Variants in AKR1C3 observed in about 807,000 individuals in gnomAD.
AKR1C3 encodes 3-alpha hydroxysteroid dehydrogenase, type II.
Under a neutral mutation model 43.6 loss-of-function variants are expected in AKR1C3, and 48 were observed. The observed-to-expected ratio is 1.10, with a 90% confidence interval of 0.87 to 1.40. AKR1C3 has a LOEUF of 1.40. Ranked by LOEUF, AKR1C3 falls within the 40% of genes most tolerant of loss-of-function variation. The pLI, the probability that AKR1C3 is intolerant of heterozygous loss-of-function variation, is 0.00. For synonymous variants in AKR1C3, 162 were observed against 139.6 expected, an observed-to-expected ratio of 1.16 and a Z score of -1.13; for missense variants, 482 against 391.2, an observed-to-expected ratio of 1.23 and a Z score of -1.96.
intron 1 of AKR1C3, among the ~76,000 whole-genome samples, chr10:5,049,778 G>A (rs1190063466): frequency 1.3e-5 from 2 of 152,196 alleles, no homozygotes; most frequent in African/African-American, 4.8e-5. Flanking sequence ...AGCTTGCACT[G>A]TATTCCTTCT....
intron 1 of AKR1C3, among the ~76,000 whole-genome samples, chr10:5,085,323 A>G (rs1220614841): frequency 1.3e-5 from 2 of 151,842 alleles, no homozygotes; most frequent in Admixed American, 6.5e-5. Flanking sequence ...TTCTGCATCT[A>G]TTGAGATAAT....
chr10:5,106,950 G>C lies in AKR1C3; in HGVS notation c.930-511G>C, dbSNP rs1839517699. 2.9e-5 allele frequency among the ~76,000 whole-genome samples: 4 copies of C among 139,608 alleles called. No individual in the cohort carries two copies. The Admixed American group carries it at 3.0e-4, about 10-fold the overall frequency. The allele number at this position is 139,608 out of a possible 152,430, so 91.6% of individuals were successfully genotyped here. On this transcript the variant is annotated intron_variant, in intron 8 of 8. Transcript: ENST00000380554. The stretch of plus-strand genomic sequence containing the variant: ...GGAAACCATGTAAAAGAAAGGAAGA[G>C]TAGCGAGCATGAGTAATTCTTATCA...
chr10:5,099,339 TG>T lies in AKR1C3; in HGVS notation c.461del (p.Cys154LeufsTer22). On this transcript the variant is annotated frameshift_variant, in exon 5 of 9. Coordinates refer to ENST00000380554, the MANE Select transcript of AKR1C3 (RefSeq NM_003739.6). LOFTEE classifies it high-confidence loss of function. ...CCTTTCTCCACAGGCCATGGAGAAG[TG>T]TAAGGATGCAGGATTGGCCAAGTCC... ...LCTTWEAMEK[C>X]KDAGLAKSIG... The T allele has an allele frequency of 6.2e-7, 1 of 1,613,950 alleles. No homozygotes were observed. The highest frequency in any genetic ancestry group is 8.5e-7 in the Non-Finnish European group (1 of 1,180,000).
chr10:5,051,398 A>C (rs1473253568), intron 1 of AKR1C3, among the ~76,000 whole-genome samples: 8 of 152,172 alleles, frequency 5.3e-5, no homozygotes, highest in African/African-American at 1.9e-4. Context: ...TGCCCAGCTG[A>C]CTTTGTGTTT....
At chr10:5,051,429 G>A (rs1838151825) in intron 1 of AKR1C3, among the ~76,000 whole-genome samples, 1 of 152,174 alleles carries the variant, frequency 6.6e-6, no homozygotes, top group African/African-American at 2.4e-5. Context: ...GTTCCAGGCA[G>A]GGGAGTAGAA....
At chr10:5,054,144 G>GCACCTTTCT (rs1554779307) in intron 1 of AKR1C3, among the ~76,000 whole-genome samples, 293 of 152,364 alleles carry the variant, frequency 1.9e-3, no homozygotes, top group African/African-American at 6.6e-3. Flanking sequence ...CTAAGAAGGT[G>GCACCTTTCT]CAGAGTCCTC....
At chr10:5,061,351 G>A (rs1838379185) in intron 1 of AKR1C3, among the ~76,000 whole-genome samples, 1 of 152,174 alleles carries the variant, frequency 6.6e-6, no homozygotes. Context: ...CATGGAGTCT[G>A]GAGGATGAGG....
At chr10:5,076,203 C>T (rs1313600028) in intron 1 of AKR1C3, among the ~76,000 whole-genome samples, 13 of 152,106 alleles carry the variant, frequency 8.5e-5, no homozygotes, top group Non-Finnish European at 1.9e-4. Context: ...TCTGTGTTAC[C>T]TACTTGCTAT....
At chr10:5,088,703 C>T (rs182673099) in intron 1 of AKR1C3, among the ~76,000 whole-genome samples, 2 of 151,608 alleles carry the variant, frequency 1.3e-5, no homozygotes, top group South Asian at 2.1e-4. Context: ...GTCATTAGAC[C>T]TAATGGTAGA....
intron 7 of AKR1C3, among the ~76,000 whole-genome samples, chr10:5,104,049 C>T (rs1554786611): frequency 6.6e-6 from 1 of 152,082 alleles, no homozygotes; most frequent in Non-Finnish European, 1.5e-5. Flanking sequence ...TGAAGTACCA[C>T]CTCCCAAATT....
upstream of AKR1C3, among the ~76,000 whole-genome samples, chr10:5,090,151 G>T (rs1839057291): frequency 6.6e-6 from 1 of 152,118 alleles, no homozygotes; most frequent in South Asian, 2.1e-4. Context: ...CAAGTGATGG[G>T]ATGGACCGTG....
chr10:5,099,182 T>C, intron 4 of AKR1C3, 145 bp from the exon 5 acceptor site: 2 of 1,388,196 alleles, frequency 1.4e-6, no homozygotes, highest in South Asian at 2.9e-5. Flanking sequence ...CTATTTGCTG[T>C]TTGAATTTTT....
chr10:5,101,369 A>AGG (rs1554785949), intron 5 of AKR1C3, among the ~76,000 whole-genome samples: 2 of 152,154 alleles, frequency 1.3e-5, no homozygotes, highest in African/African-American at 4.8e-5. Context: ...ATCATTTTCA[A>AGG]TTTTAAAACC....
chr10:5,073,139 T>C (rs547487997), intron 1 of AKR1C3, among the ~76,000 whole-genome samples: 1 of 152,174 alleles, frequency 6.6e-6, no homozygotes, highest in East Asian at 1.9e-4. Context: ...AATTTTTGTA[T>C]TCTTAGTAGA....
chr10:5,050,266 C>G (rs1838126776), intron 1 of AKR1C3, among the ~76,000 whole-genome samples: 1 of 152,152 alleles, frequency 6.6e-6, no homozygotes. Context: ...GAAAGGCTGC[C>G]TTAGTGGAGT....
rs1839210770 is a variant in AKR1C3, at chr10:5,096,491, A to C, written c.166A>C (p.Asn56His). 1.2e-6 allele frequency: 2 copies of C among 1,613,658 alleles called. No individual in the cohort carries two copies. The highest frequency in any genetic ancestry group is 2.2e-5 in the South Asian group (2 of 91,058). ...CCATATAGATTCTGCTCATTTATAC[A>C]ATAATGAGGAGCAGGTTGGACTGGC... ...FRHIDSAHLYNNEEQVGLAIR... is the reference protein window; with the variant it reads ...FRHIDSAHLYHNEEQVGLAIR... Residue 56 changes from asparagine to histidine, a missense_variant, in exon 2 of 9, where the codon AAT becomes CAT. Physicochemically the swap from Asn to His is moderately conservative, Grantham distance 68. Coordinates refer to ENST00000380554, the MANE Select transcript of AKR1C3 (RefSeq NM_003739.6).
intron 7 of AKR1C3, among the ~76,000 whole-genome samples, chr10:5,104,398 C>T: frequency 7.1e-6 from 1 of 141,822 alleles, no homozygotes; most frequent in East Asian, 2.0e-4. Context: ...TTTTACTCTA[C>T]CATAAATGAA....
chr10:5,055,499 T>C (rs559536352), intron 1 of AKR1C3, among the ~76,000 whole-genome samples: 4 of 152,298 alleles, frequency 2.6e-5, no homozygotes, highest in Middle Eastern at 3.4e-3. Context: ...GTGAGATCCT[T>C]TCCTTGTATT....
At chr10:5,052,731 A>G (rs1554779100) in intron 1 of AKR1C3, among the ~76,000 whole-genome samples, 2 of 152,094 alleles carry the variant, frequency 1.3e-5, no homozygotes, top group Non-Finnish European at 2.9e-5. Flanking sequence ...TCCGCACTAG[A>G]TTAGCTAGAT....
Sources: gnomAD v4.1 joint callset for allele counts (sites outside exome capture counted in the v4.1 genomes callset) on GRCh38, gnomAD v4.1.1 for gene constraint, MANE v1.5 for transcripts, NCBI Gene and HGNC (gene_info 2026-07-23, HGNC 2026-07-21) for gene names.